The following SI variants were observed in gnomAD, a reference collection of about 807,000 sequenced individuals.
SI encodes sucrase-isomaltase.
A neutral mutation model predicts 253.3 loss-of-function variants in SI; 235 were observed. That is an observed-to-expected ratio of 0.93 (90% CI 0.83 to 1.03). The LOEUF (loss-of-function observed/expected upper bound fraction) is 1.03, where lower values mean the gene tolerates loss of function less well. SI is among the 50% of genes least tolerant of loss of function. SI has a pLI of 0.00. For synonymous variants in SI, 819 were observed against 712.0 expected, an observed-to-expected ratio of 1.15 and a Z score of -2.39; for missense variants, 2,442 against 2,211.1, an observed-to-expected ratio of 1.10 and a Z score of -2.09.
chr3:165,064,556 T>C (rs1055767455), intron 7 of SI, among the ~76,000 whole-genome samples: 1 of 152,110 alleles, frequency 6.6e-6, no homozygotes, highest in Non-Finnish European at 1.5e-5. Context: ...GAATCAAACA[T>C]ATTTTTTTAA....
chr3:165,042,352 T>G (rs565509365), intron 17 of SI, among the ~76,000 whole-genome samples: 1 of 152,122 alleles, frequency 6.6e-6, no homozygotes, highest in Admixed American at 6.6e-5. Context: ...AAGCCCTGTA[T>G]GCAACCAGTG....
At chr3:165,019,493 A>G in intron 28 of SI, 109 bp downstream of exon 28, 1 of 1,010,830 alleles carries the variant, frequency 9.9e-7, no homozygotes, top group Non-Finnish European at 1.6e-6. Flanking sequence ...ATCTCTAGCT[A>G]ATGCCTTTGT....
chr3:165,069,315 C>A, intron 3 of SI, 120 bp from the exon 4 acceptor site: 1 of 709,870 alleles, frequency 1.4e-6, no homozygotes, highest in Non-Finnish European at 2.5e-6. Flanking sequence ...TATAATATGC[C>A]AAAATAGCAT....
In SI at chr3:165,059,949, C is replaced by A. The variant is rs1713907436; in HGVS notation, c.1099G>T (p.Val367Leu). 3 of 1,611,004 alleles carry A rather than the reference C, an allele frequency of 1.9e-6. No individual in the cohort carries two copies. Among genetic ancestry groups the A allele is most frequent in the African/African-American group, 2.7e-5 (2 of 74,804 alleles). ...TTTCTCCTTACCACTTCTTTCACTA[C>A]ATCTAGTGACTTATAATTCCAGCGA... ...LSRWNYKSLD[V>L]VKEVVRRNRE... Residue 367 changes from valine to leucine, a missense_variant, in exon 10 of 48, where the codon GTA (valine) becomes TTA (leucine). Coordinates refer to ENST00000264382, the MANE Select transcript of SI (RefSeq NM_001041.4).
chr3:165,058,621 AT>A (rs1228056743), intron 12 of SI, among the ~76,000 whole-genome samples: 1 of 151,960 alleles, frequency 6.6e-6, no homozygotes, highest in South Asian at 2.1e-4. Flanking sequence ...AATGTAAATA[AT>A]TTTTAGAGGC....
At chr3:165,006,976 A>G (rs1419264881) in intron 36 of SI, 22 bp from the exon 37 acceptor site, 8 of 1,510,248 alleles carry the variant, frequency 5.3e-6, no homozygotes, top group Non-Finnish European at 7.3e-6. Context: ...CAATGAAAAA[A>G]TATTAATATA....
At chr3:165,043,838 G>T (rs1323340750) in intron 16 of SI, among the ~76,000 whole-genome samples, 2 of 151,864 alleles carry the variant, frequency 1.3e-5, no homozygotes, top group African/African-American at 4.8e-5. Flanking sequence ...GCATTATAAT[G>T]TAATTTCCTT....
chr3:165,026,699 A>G (rs1711941708), intron 25 of SI, among the ~76,000 whole-genome samples: 2 of 151,472 alleles, frequency 1.3e-5, no homozygotes, highest in South Asian at 4.1e-4. Context: ...CATGCAAATT[A>G]AATAATATGC....
Position 165,009,643 on chromosome 3 carries a change from C to T in SI, c.4063-248G>A, listed in dbSNP as rs1718679400. On this transcript the variant is annotated intron_variant, in intron 34 of 47. Transcript: ENST00000264382. ...TGAATTATAAAGGAACAGTTCACAA[C>T]CCACAAAAGCATTATTTTTAGTGCT... Among the ~76,000 whole-genome samples the T allele has an allele frequency of 6.6e-5, 10 of 152,216 alleles. No homozygotes were observed. The South Asian group carries it at 2.1e-3, about 32-fold the overall frequency.
chr3:165,068,227 A>G (rs1297570543), intron 5 of SI, among the ~76,000 whole-genome samples: 4 of 152,136 alleles, frequency 2.6e-5, no homozygotes, highest in Non-Finnish European at 2.9e-5. Context: ...TTTCTTGAGA[A>G]TGTTTATTTT....
At chr3:165,050,557 C>A (rs901551567) in intron 13 of SI, among the ~76,000 whole-genome samples, 1 of 152,012 alleles carries the variant, frequency 6.6e-6, no homozygotes. Context: ...GTGACCATAA[C>A]CCAGTTAAGT....
chr3:164,986,754 C>T (rs1261940829), intron 45 of SI, among the ~76,000 whole-genome samples: 1 of 152,144 alleles, frequency 6.6e-6, no homozygotes, highest in Non-Finnish European at 1.5e-5. Context: ...CTTTTTGTCA[C>T]TATAGTATCA....
rs577785631 is a variant in SI, at chr3:165,035,797, A to G, written c.2515+592T>C. Among the ~76,000 whole-genome samples the G allele has an allele frequency of 1.5e-3, 231 of 151,766 alleles. 1 individual carries two copies. Among genetic ancestry groups the G allele is most frequent in the African/African-American group, 5.4e-3 (225 of 41,554 alleles). ...TGTATAAGGAAAATTGTAAGTGAAT[A>G]GTTAAATACAAATAGACAAACTTAC... On this transcript the variant is annotated intron_variant, in intron 22 of 47. Transcript: ENST00000264382.
rs111316957 is a variant in SI, at chr3:165,023,655, T to G, written c.3014A>C (p.Asn1005Thr). 223 of 1,611,002 alleles carry G rather than the reference T, an allele frequency of 1.4e-4. No individual in the cohort carries two copies. The African/African-American group carries it at 2.7e-3, about 20-fold the overall frequency. Reference sequence around the variant, plus strand: ...GTCAGAAGGTAACTTTATTCTGGCATTTGCAGTATTTAGTTGGAGGTCAGC... The same window carrying G: ...GTCAGAAGGTAACTTTATTCTGGCAGTTGCAGTATTTAGTTGGAGGTCAGC... ...ITADLQLNTA[N>T]ARIKLPSDPI... The change falls in exon 26 of 48, where the codon AAT becomes ACT. Residue 1005 changes from asparagine to threonine, a missense_variant. Asn to Thr is a moderately conservative substitution (Grantham distance 65). Transcript: ENST00000264382.
upstream of SI, among the ~76,000 whole-genome samples, chr3:165,081,076 C>T (rs550516161): frequency 4.6e-5 from 7 of 151,702 alleles, no homozygotes; most frequent in Non-Finnish European, 5.9e-5. Context: ...CTCAATCAAT[C>T]GAATAAGGTG....
chr3:165,030,917 A>G, intron 24 of SI, 50 bp from the exon 25 acceptor site: 2 of 1,514,568 alleles, frequency 1.3e-6, no homozygotes, highest in Non-Finnish European at 1.8e-6. Context: ...AAACACAAAC[A>G]AACAAAAACA....
At position 165,059,908 on chromosome 3, in the gene SI, T is replaced by G; in HGVS notation, c.1140A>C (p.Ile380=). 6.2e-7 allele frequency: 1 copy of G among 1,611,454 alleles called. No homozygotes were observed. The highest frequency in any genetic ancestry group is 8.5e-7 in the Non-Finnish European group (1 of 1,178,030). The change falls in exon 10 of 48, where the codon ATA becomes ATC. Residue 380 remains isoleucine (I), a synonymous_variant. Transcript: ENST00000264382. ...GACCCTTTATTCTACTTACAAATGG[T>G]ATGCCAGCTTCCCGGTTTCTCCTTA... ...EVVRRNREAG[I]PFDTQVTDID... is the part of the protein sequence containing the mutation.
rs1559989979 is a variant in SI, at chr3:165,015,195, A to AG, written c.3926dup (p.Ala1310CysfsTer3). The AG allele has an allele frequency of 6.2e-7, 1 of 1,613,486 alleles. No individual in the cohort carries two copies. The highest frequency in any genetic ancestry group is 8.5e-7 in the Non-Finnish European group (1 of 1,179,622). Reference sequence around the variant, plus strand: ...CATTCTGCTGTCCTCTTTCAAATGCAGGGTAAGTCTTTGTTTCATTTCCTG... The same window carrying AG: ...CATTCTGCTGTCCTCTTTCAAATGCAGGGGTAAGTCTTTGTTTCATTTCCTG... On this transcript the variant is annotated frameshift_variant, in exon 33 of 48. Coordinates refer to ENST00000264382, the MANE Select transcript of SI (RefSeq NM_001041.4). LOFTEE classifies it high-confidence loss of function.
At position 164,979,411 on chromosome 3, in the gene SI, G is replaced by A; in HGVS notation, c.5435C>T (p.Thr1812Ile). 6.4e-7 allele frequency: 1 copy of A among 1,562,440 alleles called. No homozygotes were observed. The highest frequency in any genetic ancestry group is 8.8e-7 in the Non-Finnish European group (1 of 1,134,586). The change falls in exon 48 of 48, where the codon ACC becomes ATC. Residue 1812 changes from threonine (T) to isoleucine (I), a missense_variant. Physicochemically the swap from Thr to Ile is moderately conservative, Grantham distance 89 (BLOSUM62 -1). Coordinates refer to ENST00000264382, the MANE Select transcript of SI (RefSeq NM_001041.4). ...TTCTTCTAGAGTAACATTGTGTGTG[G>A]TCAGATCAATACGTAATATCTAAAA... is the stretch of plus-strand genomic sequence containing the variant. ...TTNMILRIDLTTHNVTLEEPI... is the reference protein window; with the variant it reads ...TTNMILRIDLITHNVTLEEPI...
Sources: allele counts gnomAD v4.1 joint callset (sites outside exome capture counted in the v4.1 genomes callset), GRCh38; gene constraint gnomAD v4.1.1; transcripts MANE v1.5; gene names NCBI Gene and HGNC (gene_info 2026-07-23, HGNC 2026-07-21).